Variants in MALT1 observed in about 807,000 individuals in gnomAD.
MALT1 encodes mucosa-associated lymphoid tissue lymphoma translocation protein 1.
MALT1 carries 36 observed loss-of-function variants against 85.5 expected under a neutral mutation model. The observed-to-expected ratio is 0.42, with a 90% confidence interval of 0.32 to 0.56. The LOEUF (loss-of-function observed/expected upper bound fraction) is 0.56, where lower values mean the gene tolerates loss of function less well. Among genes scored for constraint, MALT1 ranks in the 20% least tolerant of loss-of-function variants. MALT1 has a pLI of 0.10. For synonymous variants in MALT1, 359 were observed against 361.3 expected (o/e 0.99, Z 0.07); for missense variants, 716 against 981.6 (o/e 0.73, Z 3.62).
chr18:58,677,720 TGCAGATTGTGCTGCCA>T (rs2054261970), intron 1 of MALT1: 1 of 152,224 alleles, frequency 6.6e-6, no homozygotes, highest in South Asian at 2.1e-4. Context: ...TACCTTGGAC[TGCAGATTGTGCTGCCA>T]CTGGTCTACA....
intron 4 of MALT1, among the ~76,000 whole-genome samples, chr18:58,702,333 G>GA (rs1275019656): frequency 6.6e-6 from 1 of 151,918 alleles, no homozygotes; most frequent in African/African-American, 2.4e-5. Flanking sequence ...GCAGTGAGCT[G>GA]GGATCACACC....
At chr18:58,737,265 A>AAC (rs1345317308) in intron 13 of MALT1, among the ~76,000 whole-genome samples, 2 of 152,172 alleles carry the variant, frequency 1.3e-5, no homozygotes, top group Non-Finnish European at 2.9e-5. Flanking sequence ...GAATCACTTG[A>AAC]ACACAGAAGT....
At chr18:58,715,523 G>A (rs2054887256) in intron 8 of MALT1, among the ~76,000 whole-genome samples, 1 of 152,120 alleles carries the variant, frequency 6.6e-6, no homozygotes, top group African/African-American at 2.4e-5. Flanking sequence ...GAGGGTGAAA[G>A]CATAGAATCC....
intron 12 of MALT1, 164 bp downstream of exon 12, chr18:58,734,545 T>TCCCAAAG: frequency 1.7e-6 from 1 of 597,458 alleles, no homozygotes; most frequent in Non-Finnish European, 3.0e-6. Context: ...TGCCTCAGCC[T>TCCCAAAG]TCTGAGTCGC....
At chr18:58,722,786 A>G (rs967715738) in intron 9 of MALT1, among the ~76,000 whole-genome samples, 1 of 152,220 alleles carries the variant, frequency 6.6e-6, no homozygotes, top group Non-Finnish European at 1.5e-5. Flanking sequence ...TATGTTTCAT[A>G]TACAGCTAAT....
chr18:58,733,408 T>C lies in MALT1; in HGVS notation c.1234T>C (p.Tyr412His). The change falls in exon 11 of 17, where the codon TAT becomes CAT. Residue 412 changes from tyrosine (Y) to histidine (H), a missense_variant. Tyr to His is a moderately conservative substitution (Grantham distance 83). Transcript: ENST00000649217. The part of the protein sequence containing the change: ...LDKGVYGLLY[Y>H]AGHGYENFGN... Reference sequence around the variant, plus strand: ...TTTCCTCTTTTCAGGGTTATTATATTATGCAGGACATGGTTATGAAAATTT... The same window carrying C: ...TTTCCTCTTTTCAGGGTTATTATATCATGCAGGACATGGTTATGAAAATTT... 2 of 1,601,652 alleles carry C rather than the reference T, an allele frequency of 1.2e-6. No homozygotes were observed. Among genetic ancestry groups the C allele is most frequent in the Non-Finnish European group, 1.7e-6 (2 of 1,175,760 alleles).
chr18:58,742,321 A>G (rs910443374), intron 14 of MALT1, among the ~76,000 whole-genome samples: 5 of 152,174 alleles, frequency 3.3e-5, no homozygotes, highest in African/African-American at 9.7e-5. Flanking sequence ...AGATTCTCCT[A>G]TATTGTGACC....
Position 58,728,468 on chromosome 18 carries a change from G to A in MALT1, c.1223-4929G>A, listed in dbSNP as rs2055096755. ...AAAAATTTAAAAATTAGCCAGGCATGGTGGCACATGCCTGTGGTCCCAGCT... is the reference window on the plus strand; with the variant it reads ...AAAAATTTAAAAATTAGCCAGGCATAGTGGCACATGCCTGTGGTCCCAGCT... On this transcript the variant is annotated intron_variant, in intron 10 of 16. Transcript: ENST00000649217. Among the ~76,000 whole-genome samples the A allele has an allele frequency of 3.3e-5, 5 of 152,058 alleles. No individual in the cohort carries two copies. In the South Asian group the frequency reaches 1.0e-3, roughly 32 times the overall value.
At chr18:58,683,377 A>G (rs995603051) in intron 2 of MALT1, among the ~76,000 whole-genome samples, 1 of 152,224 alleles carries the variant, frequency 6.6e-6, no homozygotes, top group African/African-American at 2.4e-5. Flanking sequence ...TAATATGAAC[A>G]TAAGTATTCT....
At chr18:58,734,538 C>A in intron 12 of MALT1, 157 bp downstream of exon 12, 1 of 611,098 alleles carries the variant, frequency 1.6e-6, no homozygotes, top group Non-Finnish European at 2.9e-6. Context: ...ATCCTCCTGC[C>A]TCAGCCTTCT....
At chr18:58,678,146 A>G (rs79320721) in intron 1 of MALT1, among the ~76,000 whole-genome samples, 17,265 of 152,198 alleles carry the variant, frequency 0.11, 1,457 homozygotes, top group African/African-American at 0.24. Context: ...AATTAATTTG[A>G]TCGTATACAT....
At chr18:58,687,723 C>T (rs1332912093) in intron 2 of MALT1, among the ~76,000 whole-genome samples, 1 of 152,164 alleles carries the variant, frequency 6.6e-6, no homozygotes, top group Non-Finnish European at 1.5e-5. Context: ...TTAAATGCGT[C>T]GTGAGAGAGA....
Position 58,698,993 on chromosome 18 carries a change from C to T in MALT1, c.499-1448C>T, listed in dbSNP as rs576490732. ...GAGGGAATTTATGGCAGCCTCATTT[C>T]CCAGAACTTTCTGTTTTGGGTCAGA... On this transcript the variant is annotated intron_variant, in intron 3 of 16. Transcript: ENST00000649217. Among the ~76,000 whole-genome samples the T allele has an allele frequency of 3.3e-3, 503 of 152,296 alleles. 2 individuals are homozygous for T. The highest frequency in any genetic ancestry group is 4.9e-3 in the Non-Finnish European group (331 of 68,026).
At chr18:58,741,733 C>T in intron 13 of MALT1, 132 bp from the exon 14 acceptor site, 1 of 505,770 alleles carries the variant, frequency 2.0e-6, no homozygotes, top group Non-Finnish European at 3.3e-6. Context: ...AATAGGTGCT[C>T]AGGAAATATT....
At chr18:58,730,458 A>G (rs1223519998) in intron 10 of MALT1, among the ~76,000 whole-genome samples, 2 of 152,202 alleles carry the variant, frequency 1.3e-5, no homozygotes, top group Admixed American at 6.5e-5. Context: ...TTCAAAGTTC[A>G]TTCATATTGT....
chr18:58,743,584 A>T (rs1161091371), intron 14 of MALT1, among the ~76,000 whole-genome samples: 2 of 152,200 alleles, frequency 1.3e-5, no homozygotes, highest in Admixed American at 1.3e-4. Flanking sequence ...ACAAAATGAA[A>T]AGGTCATATA....
intron 8 of MALT1, among the ~76,000 whole-genome samples, chr18:58,714,410 G>A (rs1406878292): frequency 6.6e-6 from 1 of 152,172 alleles, no homozygotes; most frequent in African/African-American, 2.4e-5. Context: ...AATGGGGGAA[G>A]TACGTGACCT....
chr18:58,686,990 C>T (rs2054414280), intron 2 of MALT1, among the ~76,000 whole-genome samples: 1 of 152,182 alleles, frequency 6.6e-6, no homozygotes, highest in Admixed American at 6.5e-5. Flanking sequence ...CTGACCTGAA[C>T]TCAATACCAT....
intron 10 of MALT1, among the ~76,000 whole-genome samples, chr18:58,727,616 G>GGTTTTTTTTTTTT (rs1555688173): frequency 2.3e-4 from 28 of 121,254 alleles, no homozygotes; most frequent in African/African-American, 8.8e-4. Context: ...GGTTTTTTGT[G>GGTTTTTTTTTTTT]TTTTTTTTTT....
Sources: allele counts gnomAD v4.1 joint callset (sites outside exome capture counted in the v4.1 genomes callset), GRCh38; gene constraint gnomAD v4.1.1; transcripts MANE v1.5; gene names NCBI Gene and HGNC (gene_info 2026-07-23, HGNC 2026-07-21).